The following FBXO4 variants were observed in gnomAD, a reference collection of about 807,000 sequenced individuals.
The protein encoded by FBXO4 is F-box protein 4.
FBXO4 carries 36 observed loss-of-function variants against 43.7 expected under a neutral mutation model. That is an observed-to-expected ratio of 0.82 (90% CI 0.63 to 1.09). The LOEUF is 1.09. FBXO4 is among the 50% of genes least tolerant of loss of function. The pLI, the probability that FBXO4 is intolerant of heterozygous loss-of-function variation, is 0.00. For missense variants in FBXO4, 435 were observed against 474.1 expected, an observed-to-expected ratio of 0.92 and a Z score of 0.77; for synonymous variants, 180 against 165.6, an observed-to-expected ratio of 1.09 and a Z score of -0.67.
the FBXO4 span, among the ~76,000 whole-genome samples, chr5:41,957,936 G>T: frequency 6.6e-6 from 1 of 152,014 alleles, no homozygotes; most frequent in Non-Finnish European, 1.5e-5. Flanking sequence ...ATTTAGTTGG[G>T]TCTGGGCTTG....
At chr5:41,944,594 A>T (rs1323661149), downstream of FBXO4, among the ~76,000 whole-genome samples, 4 of 152,230 alleles carry the variant, frequency 2.6e-5, no homozygotes, top group African/African-American at 7.2e-5. Context: ...GAGACTACAT[A>T]AATGTTAGAA....
the FBXO4 span, chr5:41,967,157 G>T: frequency 2.4e-6 from 1 of 413,458 alleles, no homozygotes; most frequent in Non-Finnish European, 4.7e-6. Context: ...GCTACTCCAA[G>T]CTCTTTAGAC....
At chr5:42,006,887 G>T in the FBXO4 span, among the ~76,000 whole-genome samples, 1 of 79,108 alleles carries the variant, frequency 1.3e-5, no homozygotes, top group Non-Finnish European at 2.4e-5. Flanking sequence ...GGTTCATGCT[G>T]ATATATATAT....
the FBXO4 span, among the ~76,000 whole-genome samples, chr5:42,029,359 C>T: frequency 1.8e-4 from 28 of 152,100 alleles, no homozygotes; most frequent in Admixed American, 7.9e-4. Flanking sequence ...TCTTTTGCTA[C>T]TTTAGGATCC....
rs770441976 is a variant in FBXO4 at position 41,929,854 on chromosome 5, T to C, written c.583T>C (p.Leu195=). ...GLEELNTSLV[L]SLMSSEELCP... ...GGAAGAATTGAATACCTCTTTGGTG[T>C]TGAGCTTGATGTCTTCAGAGGAACT... The change falls in exon 3 of 7, where the codon TTG becomes CTG. Residue 195 remains leucine (L), a synonymous_variant. Coordinates refer to ENST00000281623, the MANE Select transcript of FBXO4 (RefSeq NM_012176.3). The C allele has an allele frequency of 6.2e-7, 1 of 1,614,140 alleles. No individual in the cohort carries two copies. Among genetic ancestry groups the C allele is most frequent in the Non-Finnish European group, 8.5e-7 (1 of 1,180,024 alleles).
At position 41,929,067 on chromosome 5, in the gene FBXO4, A is replaced by T. The variant is rs113740482; in HGVS notation, c.426-630A>T. On this transcript the variant is annotated intron_variant, in intron 2 of 6. Transcript: ENST00000281623. ...TAATAGAAGTACCCAAGACATTTGA[A>T]ATTTGGTTATATTGGTAGTGTTAGC... is the stretch of plus-strand genomic sequence containing the variant. Among the ~76,000 whole-genome samples, 410 of 152,274 alleles carry T rather than the reference A, an allele frequency of 2.7e-3. 1 individual carries two copies. The highest frequency in any genetic ancestry group is 9.4e-3 in the African/African-American group (389 of 41,546).
the FBXO4 span, among the ~76,000 whole-genome samples, chr5:42,006,887 G>GATAGATATATATATATAT: frequency 2.5e-5 from 2 of 79,120 alleles, no homozygotes; most frequent in Non-Finnish European, 4.9e-5. Context: ...GGTTCATGCT[G>GATAGATATATATATATAT]ATATATATAT....
the FBXO4 span, among the ~76,000 whole-genome samples, chr5:42,008,446 T>C: frequency 6.6e-5 from 10 of 152,116 alleles, no homozygotes; most frequent in African/African-American, 2.4e-4. Flanking sequence ...GGGGATTTGT[T>C]TTGATATGCA....
At chr5:41,972,559 A>G in the FBXO4 span, among the ~76,000 whole-genome samples, 1 of 152,190 alleles carries the variant, frequency 6.6e-6, no homozygotes, top group Non-Finnish European at 1.5e-5. Context: ...TCACAGAATT[A>G]AAGAAAAACC....
the FBXO4 span, among the ~76,000 whole-genome samples, chr5:41,985,427 AGTAATAGAAAAGCAGCAAT>A: frequency 6.6e-6 from 1 of 152,348 alleles, no homozygotes; most frequent in East Asian, 1.9e-4. Context: ...AAACAAAGCT[AGTAATAGAAAAGCAGCAAT>A]GTCAGAAAGT....
At chr5:42,000,653 T>G in the FBXO4 span, among the ~76,000 whole-genome samples, 2 of 152,212 alleles carry the variant, frequency 1.3e-5, no homozygotes, top group African/African-American at 2.4e-5. Flanking sequence ...AAAAAATCAT[T>G]GCCAAGACCA....
the FBXO4 span, chr5:41,952,258 T>G: frequency 6.6e-6 from 1 of 152,354 alleles, no homozygotes; most frequent in Admixed American, 6.5e-5. Context: ...CTCTCCACAG[T>G]GCAAAGCTGT....
the FBXO4 span, among the ~76,000 whole-genome samples, chr5:41,970,889 C>T: frequency 6.6e-6 from 1 of 151,794 alleles, no homozygotes; most frequent in Non-Finnish European, 1.5e-5. Context: ...AGCAACCAGA[C>T]AAATTCAGGA....
the FBXO4 span, among the ~76,000 whole-genome samples, chr5:42,017,634 C>A: frequency 6.6e-6 from 1 of 150,542 alleles, no homozygotes; most frequent in East Asian, 2.0e-4. Context: ...TTGTTGCCAT[C>A]TTTATGTCCA....
At chr5:41,984,818 C>G in the FBXO4 span, among the ~76,000 whole-genome samples, 7 of 152,100 alleles carry the variant, frequency 4.6e-5, no homozygotes, top group Admixed American at 4.6e-4. Flanking sequence ...GCCTAGCTTT[C>G]CTTCTATGCA....
chr5:41,959,478 C>G, the FBXO4 span, among the ~76,000 whole-genome samples: 11 of 151,986 alleles, frequency 7.2e-5, no homozygotes, highest in African/African-American at 2.7e-4. Context: ...TGCCATGGAG[C>G]TTTCCCTCCA....
chr5:42,017,778 CT>C, the FBXO4 span, among the ~76,000 whole-genome samples: 133 of 145,262 alleles, frequency 9.2e-4, 2 homozygotes, highest in Middle Eastern at 3.5e-3. Context: ...GATTTCCTGC[CT>C]TTTTTTTTTT....
the FBXO4 span, among the ~76,000 whole-genome samples, chr5:42,006,923 TAC>T: frequency 8.5e-5 from 12 of 140,612 alleles, no homozygotes; most frequent in African/African-American, 2.4e-4. Flanking sequence ...TATATGTATA[TAC>T]ACACACATAC....
At chr5:41,971,542 G>C in the FBXO4 span, among the ~76,000 whole-genome samples, 1 of 151,932 alleles carries the variant, frequency 6.6e-6, no homozygotes, top group Non-Finnish European at 1.5e-5. Flanking sequence ...TCATATGCTA[G>C]ATAATCTTCC....
Sources: gnomAD v4.1 joint callset for allele counts (sites outside exome capture counted in the v4.1 genomes callset) on GRCh38, gnomAD v4.1.1 for gene constraint, MANE v1.5 for transcripts, NCBI Gene and HGNC (gene_info 2026-07-23, HGNC 2026-07-21) for gene names.